The following ZBTB20 variants were observed in gnomAD, a reference collection of about 807,000 sequenced individuals.
The protein encoded by ZBTB20 is zinc finger and BTB domain containing 20.
A neutral mutation model predicts 56.9 loss-of-function variants in ZBTB20; 9 were observed. The ratio of observed to expected loss-of-function variants is 0.16; its 90% CI spans 0.10 to 0.28. The LOEUF is 0.28. Ranked by LOEUF, ZBTB20 falls within the 10% of genes least tolerant of loss-of-function variation. The probability of loss-of-function intolerance (pLI) is 1.00; values close to 1 mark genes in which losing one functional copy is unlikely to be tolerated. For missense variants in ZBTB20, 655 were observed against 1,003.0 expected (o/e 0.65, Z 4.69); for synonymous variants, 417 against 420.7 (o/e 0.99, Z 0.11).
At chr3:114,451,038 A>C (rs992070524) in intron 7 of ZBTB20, among the ~76,000 whole-genome samples, 3 of 151,980 alleles carry the variant, frequency 2.0e-5, no homozygotes, top group African/African-American at 7.3e-5. Context: ...AACCCTGAAC[A>C]GCTCACAGAT....
At chr3:114,577,919 A>C (rs1210167202) in intron 6 of ZBTB20, among the ~76,000 whole-genome samples, 1 of 152,252 alleles carries the variant, frequency 6.6e-6, no homozygotes, top group Non-Finnish European at 1.5e-5. Flanking sequence ...CAAACAAAAC[A>C]AAACCTGTAA....
intron 4 of ZBTB20, among the ~76,000 whole-genome samples, chr3:114,852,884 A>C (rs2075070469): frequency 6.6e-6 from 1 of 151,906 alleles, no homozygotes; most frequent in East Asian, 1.9e-4. Context: ...GTTATGTTTT[A>C]CCTTTCTCAC....
chr3:114,742,874 T>C (rs1578644797), intron 5 of ZBTB20, among the ~76,000 whole-genome samples: 1 of 152,154 alleles, frequency 6.6e-6, no homozygotes, highest in Non-Finnish European at 1.5e-5. Flanking sequence ...CTGTAACATA[T>C]AGCTTGGGTA....
At chr3:114,516,130 A>G (rs1051719092) in intron 6 of ZBTB20, among the ~76,000 whole-genome samples, 7 of 152,096 alleles carry the variant, frequency 4.6e-5, no homozygotes, top group African/African-American at 1.4e-4. Context: ...ATTTACATAC[A>G]ATAAAATTCA....
At chr3:114,784,117 C>A (rs1219775738) in intron 5 of ZBTB20, among the ~76,000 whole-genome samples, 1 of 152,126 alleles carries the variant, frequency 6.6e-6, no homozygotes, top group Non-Finnish European at 1.5e-5. Flanking sequence ...AACCACAATT[C>A]TAGATTTTTT....
At chr3:114,599,649 T>C (rs1004834610) in intron 6 of ZBTB20, among the ~76,000 whole-genome samples, 4 of 152,068 alleles carry the variant, frequency 2.6e-5, no homozygotes, top group African/African-American at 9.7e-5. Context: ...TTTCTATAGG[T>C]TGGGCAGTTT....
intron 3 of ZBTB20, among the ~76,000 whole-genome samples, chr3:114,958,017 T>G (rs1459561227): frequency 6.6e-6 from 1 of 152,198 alleles, no homozygotes; most frequent in Non-Finnish European, 1.5e-5. Context: ...TGCATGTCAC[T>G]CCCCACACAT....
chr3:114,552,498 A>C (rs1220980456), intron 6 of ZBTB20, among the ~76,000 whole-genome samples: 3 of 152,126 alleles, frequency 2.0e-5, no homozygotes, highest in African/African-American at 7.2e-5. Context: ...AAAATAATAG[A>C]AAAGTTACAG....
At chr3:115,058,096 C>G (rs1286902494) in intron 2 of ZBTB20, among the ~76,000 whole-genome samples, 4 of 152,010 alleles carry the variant, frequency 2.6e-5, no homozygotes, top group Non-Finnish European at 5.9e-5. Flanking sequence ...GAGGTAACCA[C>G]TCCCGTGATT....
At chr3:114,594,398 C>T (rs1243184721) in intron 6 of ZBTB20, among the ~76,000 whole-genome samples, 1 of 151,898 alleles carries the variant, frequency 6.6e-6, no homozygotes, top group East Asian at 1.9e-4. Context: ...TCCCATGTAG[C>T]TGGGATTACA....
intron 8 of ZBTB20, among the ~76,000 whole-genome samples, chr3:114,382,621 A>T (rs1052174923): frequency 2.0e-5 from 3 of 151,870 alleles, no homozygotes; most frequent in Non-Finnish European, 4.4e-5. Flanking sequence ...GTAGGACTTC[A>T]CTCCCCACAG....
chr3:115,069,146 T>C (rs764953666), intron 2 of ZBTB20, among the ~76,000 whole-genome samples: 4 of 152,116 alleles, frequency 2.6e-5, no homozygotes, highest in Non-Finnish European at 4.4e-5. Context: ...TTTCTAAATG[T>C]GGATTCATTA....
intron 7 of ZBTB20, among the ~76,000 whole-genome samples, chr3:114,431,843 C>G (rs2090146025): frequency 6.6e-6 from 1 of 152,190 alleles, no homozygotes; most frequent in Non-Finnish European, 1.5e-5. Context: ...TTCAAAGATT[C>G]ATGGCTGGGA....
At chr3:114,467,644 C>T (rs1020692326) in intron 7 of ZBTB20, among the ~76,000 whole-genome samples, 3 of 152,176 alleles carry the variant, frequency 2.0e-5, no homozygotes, top group Non-Finnish European at 2.9e-5. Context: ...CAATCACACA[C>T]ATAAACAAAC....
chr3:114,536,838 A>G lies in ZBTB20; in HGVS notation c.-294-36447T>C, dbSNP rs576991322. Among the ~76,000 whole-genome samples, 11 of 152,198 alleles carry G rather than the reference A, an allele frequency of 7.2e-5. No homozygotes were observed. In the South Asian group the frequency reaches 8.3e-4, roughly 11 times the overall value. On this transcript the variant is annotated intron_variant, in intron 6 of 11. Transcript: ENST00000675478. The stretch of plus-strand genomic sequence containing the variant: ...AGAGGCCTCCAAAATAACACCACAC[A>G]TCTACAACCATCTGATCTTTGACAA...
At chr3:114,591,874 C>T (rs1226253989) in intron 6 of ZBTB20, among the ~76,000 whole-genome samples, 1 of 152,098 alleles carries the variant, frequency 6.6e-6, no homozygotes, top group Admixed American at 6.6e-5. Context: ...CATTTCTTGT[C>T]CTCAACATCT....
At chr3:115,143,727 AATC>A (rs1275365450) in intron 1 of ZBTB20, among the ~76,000 whole-genome samples, 1 of 152,240 alleles carries the variant, frequency 6.6e-6, no homozygotes, top group Non-Finnish European at 1.5e-5. Flanking sequence ...ACATTATTAA[AATC>A]ATGAAAAAAA....
At chr3:114,937,054 T>C (rs568598010) in intron 3 of ZBTB20, among the ~76,000 whole-genome samples, 2 of 152,300 alleles carry the variant, frequency 1.3e-5, no homozygotes, top group South Asian at 4.1e-4. Context: ...TCTTTGTTAT[T>C]GTGAATAGCG....
At chr3:114,554,083 C>T (rs976023669) in intron 6 of ZBTB20, among the ~76,000 whole-genome samples, 6 of 152,086 alleles carry the variant, frequency 3.9e-5, no homozygotes, top group African/African-American at 1.2e-4. Context: ...GTCAGCCTCA[C>T]GTATTCATGG....
Sources: gnomAD v4.1 joint callset for allele counts (sites outside exome capture counted in the v4.1 genomes callset) on GRCh38, gnomAD v4.1.1 for gene constraint, MANE v1.5 for transcripts, NCBI Gene and HGNC (gene_info 2026-07-23, HGNC 2026-07-21) for gene names.